Variants in CEBPZ observed in about 807,000 individuals in gnomAD.
CEBPZ encodes CCAAT/enhancer-binding protein zeta.
Under a neutral mutation model 104.5 loss-of-function variants are expected in CEBPZ, and 78 were observed. The observed-to-expected ratio is 0.75, with a 90% CI of 0.62 to 0.90. The LOEUF (loss-of-function observed/expected upper bound fraction) is 0.90, where lower values mean the gene tolerates loss of function less well. Ranked by LOEUF, CEBPZ falls within the 40% of genes least tolerant of loss-of-function variation. CEBPZ has a pLI of 0.00. For synonymous variants in CEBPZ, 470 were observed against 427.0 expected (o/e 1.10, Z -1.24); for missense variants, 1,439 against 1,233.5 (o/e 1.17, Z -2.50).
chr2:37,227,727 C>T lies in CEBPZ; in HGVS notation c.1466G>A (p.Gly489Asp). ...ESKMLSALLTGVNRAYPYSQT... is the reference protein window; with the variant it reads ...ESKMLSALLTDVNRAYPYSQT... Reference sequence around the variant, plus strand: ...GGAATAAGGGTATGCCCTATTCACACCTGTTAAAAGGGCGCTAAGCATTTT... The same window carrying T: ...GGAATAAGGGTATGCCCTATTCACATCTGTTAAAAGGGCGCTAAGCATTTT... The change falls in exon 2 of 16, where the codon GGT becomes GAT. Residue 489 changes from glycine (G) to aspartate (D), a missense_variant. Coordinates refer to ENST00000234170, the MANE Select transcript of CEBPZ (RefSeq NM_005760.3). 1 of 1,614,100 alleles carries T rather than the reference C, an allele frequency of 6.2e-7. No individual in the cohort carries two copies. Among genetic ancestry groups the T allele is most frequent in the Non-Finnish European group, 8.5e-7 (1 of 1,180,012 alleles).
At chr2:37,217,525 T>A (rs1263564217) in intron 5 of CEBPZ, among the ~76,000 whole-genome samples, 5 of 152,168 alleles carry the variant, frequency 3.3e-5, no homozygotes, top group Non-Finnish European at 5.9e-5. Context: ...TCCATCAGTT[T>A]CTATTCAACA....
rs758525915 is a variant in CEBPZ at position 37,211,916 on chromosome 2, T to A, written c.2727A>T (p.Glu909Asp). ...CATCTTCATCAACTTCAGCAAATTCTTCATCATCCATACTTCCTAAAGAAA... is the reference window on the plus strand; with the variant it reads ...CATCTTCATCAACTTCAGCAAATTCATCATCATCCATACTTCCTAAAGAAA... ...DEVSLGSMDDEEFAEVDEDGG... is the reference protein window; with the variant it reads ...DEVSLGSMDDDEFAEVDEDGG... The change falls in exon 12 of 16, where the codon GAA (glutamate) becomes GAT (aspartate). Residue 909 changes from glutamate to aspartate, a missense_variant. Glu to Asp is a conservative substitution (Grantham distance 45). Transcript: ENST00000234170. 1.3e-4 allele frequency: 211 copies of A among 1,613,424 alleles called. No homozygotes were observed. Among genetic ancestry groups the A allele is most frequent in the Non-Finnish European group, 1.6e-4 (185 of 1,179,846 alleles).
At position 37,228,943 on chromosome 2, in the gene CEBPZ, A is replaced by G. The variant is rs1314238889; in HGVS notation, c.250T>C (p.Leu84=). 2.5e-6 allele frequency: 4 copies of G among 1,611,108 alleles called. No homozygotes were observed. The highest frequency in any genetic ancestry group is 1.3e-5 in the African/African-American group (1 of 74,812). The part of the protein sequence containing the change: ...GAIDDLQQGE[L]EAFIQNLNLA... ...TTAAGATTTTGAATAAATGCTTCCAATTCACCTTGCTGAAGGTCATCGATT... is the reference window on the plus strand; with the variant it reads ...TTAAGATTTTGAATAAATGCTTCCAGTTCACCTTGCTGAAGGTCATCGATT... The change falls in exon 2 of 16, where the codon TTG becomes CTG. Residue 84 remains leucine, a synonymous_variant. Coordinates refer to ENST00000234170, the MANE Select transcript of CEBPZ (RefSeq NM_005760.3).
chr2:37,205,437 C>G (rs1190112308), intron 13 of CEBPZ, among the ~76,000 whole-genome samples: 1 of 152,168 alleles, frequency 6.6e-6, no homozygotes, highest in Non-Finnish European at 1.5e-5. Context: ...CTTGTGACCC[C>G]CACTCCTGCC....
At chr2:37,222,972 T>G (rs1335246146) in intron 3 of CEBPZ, among the ~76,000 whole-genome samples, 198 bp downstream of exon 3, 1 of 152,204 alleles carries the variant, frequency 6.6e-6, no homozygotes, top group Middle Eastern at 3.2e-3. Context: ...TACAGTTTAT[T>G]GCAAGTAGAA....
rs560943909 is a variant in CEBPZ at position 37,207,792 on chromosome 2, A to G, written c.2884+3207T>C. 4.5e-4 allele frequency among the ~76,000 whole-genome samples: 69 copies of G among 152,340 alleles called. No individual in the cohort carries two copies. In the South Asian group the frequency reaches 0.014, roughly 31 times the overall value. ...ACTCAAACCCAGCAGAAGAAAAGAA[A>G]TAACAAATATCAGAGCAGAACTAAA... On this transcript the variant is annotated intron_variant, in intron 13 of 15. Transcript: ENST00000234170.
rs201714596 is a variant in CEBPZ at position 37,222,437 on chromosome 2, C to T, written c.2008G>A (p.Asp670Asn). Residue 670 changes from aspartate (D) to asparagine (N), a missense_variant, in exon 4 of 16, where the codon GAT becomes AAT. Asp to Asn is a conservative substitution (Grantham distance 23, BLOSUM62 1). Transcript: ENST00000234170. ...ACCTCTGGTTTTTTGGTTTCTACATCAGTTTCAGGAACTGTTTCCTCTGTC... is the reference window on the plus strand; with the variant it reads ...ACCTCTGGTTTTTTGGTTTCTACATTAGTTTCAGGAACTGTTTCCTCTGTC... Reference protein sequence around the residue: ...LETEETVPETDVETKKPEVAS... With the variant: ...LETEETVPETNVETKKPEVAS... 292 of 1,605,700 alleles carry T rather than the reference C, an allele frequency of 1.8e-4. 1 individual carries two copies. The highest frequency in any genetic ancestry group is 2.3e-4 in the Non-Finnish European group (269 of 1,177,566).
chr2:37,210,886 C>T (rs1306214975), intron 13 of CEBPZ, 113 bp downstream of exon 13: 5 of 540,238 alleles, frequency 9.3e-6, no homozygotes, highest in Non-Finnish European at 1.5e-5. Flanking sequence ...AAAAAGAACC[C>T]CCCCCACCCC....
At chr2:37,211,760 TA>T in intron 12 of CEBPZ, 82 bp downstream of exon 12, 1 of 1,038,278 alleles carries the variant, frequency 9.6e-7, no homozygotes, top group Non-Finnish European at 1.4e-6. Flanking sequence ...AGGGCTATAT[TA>T]AAAACCTTTA....
chr2:37,231,483 C>A lies in CEBPZ; in HGVS notation c.85G>T (p.Asp29Tyr). Residue 29 changes from aspartate (D) to tyrosine (Y), a missense_variant, in exon 1 of 16, where the codon GAT becomes TAT. Coordinates refer to ENST00000234170, the MANE Select transcript of CEBPZ (RefSeq NM_005760.3). The part of the protein sequence containing the change: ...EEAVEDPDEE[D>Y]EDNTSEAENG... ...TCGGCTTCACTAGTATTATCCTCAT[C>A]CTCCTCGTCCGGATCTTCTACTGCC... The A allele has an allele frequency of 6.2e-7, 1 of 1,614,260 alleles. No homozygotes were observed.
Position 37,231,510 on chromosome 2 carries a change from C to T in CEBPZ, c.58G>A (p.Glu20Lys). 6.2e-7 allele frequency: 1 copy of T among 1,614,252 alleles called. No homozygotes were observed. The highest frequency in any genetic ancestry group is 8.5e-7 in the Non-Finnish European group (1 of 1,180,044). ...TCCTCGTCCGGATCTTCTACTGCCT[C>T]CTCGGGGCGCCAAGGCCGCTTGGCA... ...FHAKRPWRPEEAVEDPDEEDE... is the reference protein window; with the variant it reads ...FHAKRPWRPEKAVEDPDEEDE... The change falls in exon 1 of 16, where the codon GAG becomes AAG. Residue 20 changes from glutamate to lysine, a missense_variant. Coordinates refer to ENST00000234170, the MANE Select transcript of CEBPZ (RefSeq NM_005760.3).
chr2:37,212,609 G>C, intron 10 of CEBPZ: 1 of 538,398 alleles, frequency 1.9e-6, no homozygotes, highest in South Asian at 2.7e-5. Flanking sequence ...GAAGGATCCA[G>C]TTAATTTCGG....
In CEBPZ at chr2:37,213,975, G is replaced by A. The variant is rs1677804693; in HGVS notation, c.2448-14C>T. 1.5e-6 allele frequency: 2 copies of A among 1,372,986 alleles called. No homozygotes were observed. The highest frequency in any genetic ancestry group is 1.4e-5 in the South Asian group (1 of 71,714). 85.1% of individuals were successfully genotyped at this position (1,372,986 alleles called of 1,614,324 possible). ...TTTTTATAATACCTATAATATTCAT[G>A]TTATATATTTGACAATTTTATTAAA... On this transcript the variant is annotated splice_polypyrimidine_tract_variant and intron_variant, in intron 9 of 15. Coordinates refer to ENST00000234170, the MANE Select transcript of CEBPZ (RefSeq NM_005760.3).
At position 37,212,690 on chromosome 2, in the gene CEBPZ, T is replaced by C. The variant is rs79282553; in HGVS notation, c.2546-298A>G. On this transcript the variant is annotated intron_variant, in intron 10 of 15. Transcript: ENST00000234170. ...AATGATATTTAGCAATTGTCGTCCT[T>C]TTTACTCTATTAGAACTACTTAAGT... 43 of 410,078 alleles carry C rather than the reference T, an allele frequency of 1.0e-4. No individual in the cohort carries two copies. The East Asian group carries it at 2.0e-3, about 19-fold the overall frequency. The allele number at this position is 410,078 out of a possible 1,614,324, so 25.4% of individuals were successfully genotyped here.
At chr2:37,218,399 TCTG>T (rs1664688763) in intron 5 of CEBPZ, among the ~76,000 whole-genome samples, 1 of 152,254 alleles carries the variant, frequency 6.6e-6, no homozygotes, top group Admixed American at 6.5e-5. Flanking sequence ...GATTATTTCA[TCTG>T]CTTCTGTATT....
rs1476953423 is a variant in CEBPZ, at chr2:37,213,966, A to G, written c.2448-5T>C. 2 of 1,442,212 alleles carry G rather than the reference A, an allele frequency of 1.4e-6. No individual in the cohort carries two copies. Among genetic ancestry groups the G allele is most frequent in the Non-Finnish European group, 1.9e-6 (2 of 1,064,002 alleles). 89.3% of individuals were successfully genotyped at this position (1,442,212 alleles called of 1,614,324 possible). On this transcript the variant is annotated splice_region_variant and splice_polypyrimidine_tract_variant and intron_variant, in intron 9 of 15. Coordinates refer to ENST00000234170, the MANE Select transcript of CEBPZ (RefSeq NM_005760.3). ...ACAGCAACTTTTTTATAATACCTAT[A>G]ATATTCATGTTATATATTTGACAAT...
At chr2:37,217,908 AAAAAAC>A (rs1664668356) in intron 5 of CEBPZ, among the ~76,000 whole-genome samples, 1 of 150,600 alleles carries the variant, frequency 6.6e-6, no homozygotes, top group Non-Finnish European at 1.5e-5. Context: ...TCTCAAAAAA[AAAAAAC>A]AAAAAACAAA....
rs937419009 is a variant in CEBPZ, at chr2:37,205,131, C to G, written c.2885-2123G>C. Among the ~76,000 whole-genome samples the G allele has an allele frequency of 7.9e-5, 12 of 152,260 alleles. No homozygotes were observed. The East Asian group carries it at 9.6e-4, about 12-fold the overall frequency. ...CAGTTAAATCATAGTTATTACAGGA[C>G]TAAGAAATTGACAGCAGTATTTGAA... is the stretch of plus-strand genomic sequence containing the variant. On this transcript the variant is annotated intron_variant, in intron 13 of 15. Transcript: ENST00000234170.
At chr2:37,226,197 C>T (rs1664883250) in intron 2 of CEBPZ, among the ~76,000 whole-genome samples, 2 of 151,922 alleles carry the variant, frequency 1.3e-5, no homozygotes, top group Admixed American at 1.3e-4. Context: ...TTTCTCTATA[C>T]TTTGTCTCTG....
Sources: gnomAD v4.1 joint callset for allele counts (sites outside exome capture counted in the v4.1 genomes callset) on GRCh38, gnomAD v4.1.1 for gene constraint, MANE v1.5 for transcripts, NCBI Gene and HGNC (gene_info 2026-07-23, HGNC 2026-07-21) for gene names.